C2CD3: variants seen among roughly 807,000 people sequenced by gnomAD.
The protein encoded by C2CD3 is C2 domain-containing protein 3.
A neutral mutation model predicts 234.0 loss-of-function variants in C2CD3; 148 were observed. The observed-to-expected ratio is 0.63, with a 90% confidence interval of 0.55 to 0.72. The LOEUF is 0.72. Among genes scored for constraint, C2CD3 ranks in the 30% least tolerant of loss-of-function variants. C2CD3 has a pLI of 0.00. For missense variants in C2CD3, 2,577 were observed against 2,811.5 expected (o/e 0.92, Z 1.89); for synonymous variants, 1,000 against 1,035.4 (o/e 0.97, Z 0.66).
intron 7 of C2CD3, among the ~76,000 whole-genome samples, chr11:74,124,764 GT>G (rs1389457636): frequency 6.6e-6 from 1 of 152,026 alleles, no homozygotes; most frequent in African/African-American, 2.4e-5. Flanking sequence ...TGTATTATTT[GT>G]CACATATACA....
intron 24 of C2CD3, among the ~76,000 whole-genome samples, chr11:74,060,839 G>T (rs1223132468): frequency 6.6e-6 from 1 of 152,166 alleles, no homozygotes; most frequent in African/African-American, 2.4e-5. Context: ...AGCTAAAGGA[G>T]GATGTTCGAA....
chr11:74,143,564 T>A (rs1383848248), intron 3 of C2CD3, among the ~76,000 whole-genome samples: 1 of 148,390 alleles, frequency 6.7e-6, no homozygotes, highest in East Asian at 1.9e-4. Flanking sequence ...ATATATATTT[T>A]ATATATTTTA....
At chr11:74,119,855 C>T (rs35412081) in intron 8 of C2CD3, among the ~76,000 whole-genome samples, 3,350 of 151,938 alleles carry the variant, frequency 0.022, 65 homozygotes, top group Middle Eastern at 0.054. Flanking sequence ...AGGCTGGTCT[C>T]GAACTCCTGA....
intron 3 of C2CD3, among the ~76,000 whole-genome samples, chr11:74,156,627 T>C (rs1856043750): frequency 1.3e-5 from 2 of 151,896 alleles, no homozygotes; most frequent in African/African-American, 2.4e-5. Context: ...CTGGGAAACA[T>C]AGTGAGATCC....
intron 2 of C2CD3, among the ~76,000 whole-genome samples, chr11:74,166,231 A>AC (rs1340797172): frequency 3.3e-5 from 5 of 151,696 alleles, no homozygotes; most frequent in African/African-American, 1.2e-4. Flanking sequence ...AATGGCGTGA[A>AC]CCCAGGAAGT....
chr11:74,167,348 G>A (rs187795677), intron 2 of C2CD3, among the ~76,000 whole-genome samples: 3 of 152,078 alleles, frequency 2.0e-5, no homozygotes, highest in Admixed American at 6.5e-5. Context: ...TCTTTTAATC[G>A]CACTTACTGC....
chr11:74,109,436 A>G (rs1956660478), intron 11 of C2CD3: 3 of 296,058 alleles, frequency 1.0e-5, no homozygotes, highest in African/African-American at 2.2e-5. Context: ...GTAAGGAGAC[A>G]TATCTATATA....
intron 28 of C2CD3, among the ~76,000 whole-genome samples, chr11:74,043,999 T>C (rs114336159): frequency 0.021 from 3,258 of 152,068 alleles, 67 homozygotes; most frequent in African/African-American, 0.046. Context: ...AGTTTTTTAA[T>C]TTTTTGTGGA....
chr11:74,049,531 C>G lies in C2CD3; in HGVS notation c.5167G>C (p.Val1723Leu). Reference sequence around the variant, plus strand: ...AGGTCCACCGAGGCAAAGCCAATCACCCTCTCCTCATCTGTAGAGGAAAGA... The same window carrying G: ...AGGTCCACCGAGGCAAAGCCAATCAGCCTCTCCTCATCTGTAGAGGAAAGA... ...KVWHKGDEER[V>L]IGFASVDLSP... Residue 1723 changes from valine to leucine, a missense_variant, in exon 27 of 33, where the codon GTG becomes CTG. Val to Leu is a conservative substitution (Grantham distance 32). Coordinates refer to ENST00000334126, the MANE Select transcript of C2CD3 (RefSeq NM_001286577.2). 1 of 1,612,056 alleles carries G rather than the reference C, an allele frequency of 6.2e-7. No homozygotes were observed. The highest frequency in any genetic ancestry group is 1.3e-5 in the African/African-American group (1 of 74,974).
At chr11:74,063,974 T>A (rs1406820609) in intron 24 of C2CD3, among the ~76,000 whole-genome samples, 1 of 152,168 alleles carries the variant, frequency 6.6e-6, no homozygotes, top group Non-Finnish European at 1.5e-5. Context: ...TATGTATACA[T>A]GTGCCATTTT....
chr11:74,134,915 G>T (rs980834916), intron 5 of C2CD3, among the ~76,000 whole-genome samples: 1 of 151,968 alleles, frequency 6.6e-6, no homozygotes, highest in African/African-American at 2.4e-5. Flanking sequence ...TGTACAGATG[G>T]TATCTTGCTA....
chr11:74,045,486 T>C (rs897109998), intron 28 of C2CD3, among the ~76,000 whole-genome samples: 47 of 152,306 alleles, frequency 3.1e-4, no homozygotes, highest in Admixed American at 2.4e-3. Context: ...GTGGAGAATA[T>C]TGCCATCGTA....
chr11:74,129,316 A>G, intron 7 of C2CD3: 1 of 166,836 alleles, frequency 6.0e-6, no homozygotes, highest in South Asian at 1.3e-4. Flanking sequence ...CTCACTTCTC[A>G]GATGGGGTGG....
At chr11:74,080,387 G>A (rs1438495411) in intron 22 of C2CD3, among the ~76,000 whole-genome samples, 1 of 152,068 alleles carries the variant, frequency 6.6e-6, no homozygotes, top group East Asian at 1.9e-4. Flanking sequence ...AGAGCCTAGG[G>A]CTTTGGCTCT....
At position 74,028,317 on chromosome 11, in the gene C2CD3, T is replaced by A; in HGVS notation, c.6891A>T (p.Ala2297=). The stretch of plus-strand genomic sequence containing the variant: ...CTGTTGTGGCTGCTGGTGGCAAAGT[T>A]GCTGAGAGTGAAAGCATCCGCAGGG... ...EASLRMLSLS[A]TLPPAATTDQ... The change falls in exon 32 of 33, where the codon GCA becomes GCT. Residue 2297 remains alanine, a synonymous_variant. Coordinates refer to ENST00000334126, the MANE Select transcript of C2CD3 (RefSeq NM_001286577.2). 2 of 1,536,092 alleles carry A rather than the reference T, an allele frequency of 1.3e-6. No homozygotes were observed. Among genetic ancestry groups the A allele is most frequent in the East Asian group, 4.9e-5 (2 of 40,902 alleles).
In C2CD3 at chr11:74,103,543, A is replaced by T; in HGVS notation, c.2168T>A (p.Leu723His). ...KLSGNTHYTP[L>H]CAPTSPNKAL... is the part of the protein sequence containing the mutation. The stretch of plus-strand genomic sequence containing the variant: ...CTTATTTGGACTTGTAGGAGCACAA[A>T]GTGGGGTATAATGGGTGTTGCCACT... The change falls in exon 14 of 33, where the codon CTT (leucine) becomes CAT (histidine). Residue 723 changes from leucine (L) to histidine (H), a missense_variant. Leu to His is a moderately conservative substitution (Grantham distance 99). Coordinates refer to ENST00000334126, the MANE Select transcript of C2CD3 (RefSeq NM_001286577.2). 1 of 1,614,032 alleles carries T rather than the reference A, an allele frequency of 6.2e-7. No homozygotes were observed. The highest frequency in any genetic ancestry group is 2.2e-5 in the East Asian group (1 of 44,880).
At chr11:74,073,855 C>T (rs769887577) in intron 24 of C2CD3, among the ~76,000 whole-genome samples, 18 of 152,088 alleles carry the variant, frequency 1.2e-4, no homozygotes, top group Non-Finnish European at 2.1e-4. Flanking sequence ...GCCACTAACC[C>T]GGAGTTTGAA....
chr11:74,103,545 T>G lies in C2CD3; in HGVS notation c.2166A>C (p.Pro722=). The part of the protein sequence containing the change: ...TKLSGNTHYT[P]LCAPTSPNKA... ...TATTTGGACTTGTAGGAGCACAAAGTGGGGTATAATGGGTGTTGCCACTTA... is the reference window on the plus strand; with the variant it reads ...TATTTGGACTTGTAGGAGCACAAAGGGGGGTATAATGGGTGTTGCCACTTA... The change falls in exon 14 of 33, where the codon CCA becomes CCC. Residue 722 remains proline, a synonymous_variant. Transcript: ENST00000334126. The G allele has an allele frequency of 6.2e-7, 1 of 1,613,922 alleles. No individual in the cohort carries two copies. Among genetic ancestry groups the G allele is most frequent in the Non-Finnish European group, 8.5e-7 (1 of 1,179,878 alleles).
At position 74,109,027 on chromosome 11, in the gene C2CD3, A is replaced by T; in HGVS notation, c.1962+7T>A. The T allele has an allele frequency of 6.7e-7, 1 of 1,498,464 alleles. No homozygotes were observed. The allele number at this position is 1,498,464 out of a possible 1,614,324, so 92.8% of individuals were successfully genotyped here. ...GGTAAGGCAAAGGCCAAAATCACTCAAAGTACCTTTTTCTGTGGAGTTTTC... is the reference window on the plus strand; with the variant it reads ...GGTAAGGCAAAGGCCAAAATCACTCTAAGTACCTTTTTCTGTGGAGTTTTC... On this transcript the variant is annotated splice_region_variant and intron_variant, in intron 12 of 32. Transcript: ENST00000334126.
Sources: gnomAD v4.1 joint callset for allele counts (sites outside exome capture counted in the v4.1 genomes callset) on GRCh38, gnomAD v4.1.1 for gene constraint, MANE v1.5 for transcripts, NCBI Gene and HGNC (gene_info 2026-07-23, HGNC 2026-07-21) for gene names.